The following CTIF variants were observed in gnomAD, a reference collection of about 807,000 sequenced individuals.
CTIF encodes cap binding complex dependent translation initiation factor, also known as CBP80/20-dependent translation initiation factor.
In CTIF, 21 loss-of-function variants were observed where a neutral mutation model predicts 66.0. The observed-to-expected ratio is 0.32, with a 90% confidence interval of 0.23 to 0.46. CTIF has a LOEUF of 0.46. CTIF is among the 20% of genes least tolerant of loss of function. The pLI, the probability that CTIF is intolerant of heterozygous loss-of-function variation, is 1.00. For synonymous variants in CTIF, 345 were observed against 326.4 expected (o/e 1.06, Z -0.62); for missense variants, 739 against 812.7 (o/e 0.91, Z 1.10).
At chr18:48,696,448 C>T (rs1351465151) in intron 6 of CTIF, among the ~76,000 whole-genome samples, 3 of 152,160 alleles carry the variant, frequency 2.0e-5, no homozygotes, top group Non-Finnish European at 2.9e-5. Flanking sequence ...CTGGTCTCAC[C>T]GTCCCGGCCT....
chr18:48,548,894 G>C (rs1403762487), intron 1 of CTIF, among the ~76,000 whole-genome samples: 1 of 152,236 alleles, frequency 6.6e-6, no homozygotes, highest in Non-Finnish European at 1.5e-5. Flanking sequence ...TGCTGGGGAA[G>C]ACAGAATAGC....
Position 48,705,515 on chromosome 18 carries a change from T to C in CTIF, c.508-6104T>C, listed in dbSNP as rs552847664. Among the ~76,000 whole-genome samples, 5 of 152,354 alleles carry C rather than the reference T, an allele frequency of 3.3e-5. 1 individual carries two copies. In the South Asian group the frequency reaches 1.0e-3, roughly 32 times the overall value. ...TTTCAAATAAAGTCACGTTCACAGG[T>C]GCACGGGGTTAGGACTCCAACCAGT... is the stretch of plus-strand genomic sequence containing the variant. On this transcript the variant is annotated intron_variant, in intron 6 of 11. Coordinates refer to ENST00000256413, the MANE Select transcript of CTIF (RefSeq NM_014772.3).
chr18:48,829,332 G>C (rs1470347156), intron 10 of CTIF, among the ~76,000 whole-genome samples: 1 of 152,166 alleles, frequency 6.6e-6, no homozygotes, highest in East Asian at 1.9e-4. Context: ...GGGGAGCCAG[G>C]CTGGGGGACT....
intron 9 of CTIF, among the ~76,000 whole-genome samples, chr18:48,811,053 C>T (rs2068249073): frequency 6.6e-6 from 1 of 151,972 alleles, no homozygotes; most frequent in Non-Finnish European, 1.5e-5. Flanking sequence ...CCTGTGAATC[C>T]TTATGGCCTA....
At chr18:48,729,972 T>C (rs1223959810) in intron 7 of CTIF, among the ~76,000 whole-genome samples, 3 of 152,236 alleles carry the variant, frequency 2.0e-5, no homozygotes, top group Non-Finnish European at 1.5e-5. Context: ...CTGGGAGGAC[T>C]GCCTCAGGAG....
chr18:48,570,376 T>A (rs1311826539), intron 1 of CTIF, among the ~76,000 whole-genome samples: 2 of 152,222 alleles, frequency 1.3e-5, no homozygotes, highest in Non-Finnish European at 2.9e-5. Context: ...CCTTCCATCA[T>A]CAGTACTTAT....
At chr18:48,655,130 T>A (rs547665365) in intron 3 of CTIF, among the ~76,000 whole-genome samples, 13 of 150,626 alleles carry the variant, frequency 8.6e-5, no homozygotes, top group African/African-American at 3.2e-4. Flanking sequence ...AATTTAAAAA[T>A]AATAATAATA....
At chr18:48,578,031 A>G (rs2089573382) in intron 1 of CTIF, among the ~76,000 whole-genome samples, 1 of 152,138 alleles carries the variant, frequency 6.6e-6, no homozygotes, top group African/African-American at 2.4e-5. Context: ...TTCTCTATAG[A>G]TTTGTCTATT....
intron 1 of CTIF, among the ~76,000 whole-genome samples, chr18:48,582,186 C>T (rs1017239269): frequency 2.6e-5 from 4 of 151,950 alleles, no homozygotes; most frequent in South Asian, 2.1e-4. Context: ...AAGACTTGGC[C>T]GAGACAGCTG....
intron 10 of CTIF, among the ~76,000 whole-genome samples, chr18:48,822,522 A>G (rs1337348936): frequency 2.2e-5 from 3 of 133,816 alleles, no homozygotes; most frequent in Non-Finnish European, 4.6e-5. Context: ...ACACACACAC[A>G]CACACACACA....
intron 1 of CTIF, among the ~76,000 whole-genome samples, chr18:48,574,404 A>T (rs1165258278): frequency 1.3e-5 from 2 of 152,238 alleles, no homozygotes; most frequent in Non-Finnish European, 2.9e-5. Context: ...ATATTGCATT[A>T]AAAAAGGAAA....
At chr18:48,557,630 A>G (rs999187605) in intron 1 of CTIF, among the ~76,000 whole-genome samples, 2 of 152,230 alleles carry the variant, frequency 1.3e-5, no homozygotes, top group East Asian at 1.9e-4. Context: ...TAGTCTCTGT[A>G]TTAGTCCGTA....
intron 7 of CTIF, among the ~76,000 whole-genome samples, chr18:48,715,654 C>T (rs868224691): frequency 6.6e-6 from 1 of 152,172 alleles, no homozygotes; most frequent in Admixed American, 6.5e-5. Flanking sequence ...TCTCTCCCCA[C>T]CACACCCTGG....
At chr18:48,596,440 A>G (rs1327785937) in intron 1 of CTIF, among the ~76,000 whole-genome samples, 3 of 152,134 alleles carry the variant, frequency 2.0e-5, no homozygotes, top group Admixed American at 6.5e-5. Flanking sequence ...GCATGTGCCA[A>G]TGGAATCAGT....
chr18:48,718,016 A>G (rs534444940), intron 7 of CTIF, among the ~76,000 whole-genome samples: 17 of 152,232 alleles, frequency 1.1e-4, no homozygotes, highest in Non-Finnish European at 2.4e-4. Context: ...AGCTGGGATT[A>G]TAGACACAAG....
At chr18:48,703,603 G>A (rs1269539396) in intron 6 of CTIF, among the ~76,000 whole-genome samples, 2 of 152,220 alleles carry the variant, frequency 1.3e-5, no homozygotes, top group East Asian at 3.9e-4. Context: ...CTAGGTTCGT[G>A]GTCAGGGGTC....
intron 3 of CTIF, among the ~76,000 whole-genome samples, chr18:48,639,434 CA>C: frequency 6.6e-6 from 1 of 152,190 alleles, no homozygotes; most frequent in South Asian, 2.1e-4. Context: ...AGATGGGGCC[CA>C]GGGGGCAGCC....
intron 3 of CTIF, among the ~76,000 whole-genome samples, chr18:48,658,641 G>A (rs1277923566): frequency 1.3e-5 from 2 of 152,136 alleles, no homozygotes; most frequent in South Asian, 2.1e-4. Flanking sequence ...TGTATGGTGT[G>A]TATTATGTGG....
At chr18:48,852,960 GGTATGGGGAGGGGTAGGTA>G (rs1287396778) in intron 10 of CTIF, among the ~76,000 whole-genome samples, 1 of 152,130 alleles carries the variant, frequency 6.6e-6, no homozygotes, top group African/African-American at 2.4e-5. Flanking sequence ...TGGTGACAGG[GGTATGGGGAGGGGTAGGTA>G]ACCACATCCC....
Sources: allele counts gnomAD v4.1 joint callset (sites outside exome capture counted in the v4.1 genomes callset), GRCh38; gene constraint gnomAD v4.1.1; transcripts MANE v1.5; gene names NCBI Gene and HGNC (gene_info 2026-07-23, HGNC 2026-07-21).